SVIL: variants seen among roughly 807,000 people sequenced by gnomAD.
SVIL encodes the protein archvillin.
SVIL carries 101 observed loss-of-function variants against 240.4 expected under a neutral mutation model. The observed-to-expected ratio is 0.42, with a 90% CI of 0.36 to 0.50. SVIL has a LOEUF of 0.50. Ranked by LOEUF, SVIL falls within the 20% of genes least tolerant of loss-of-function variation. SVIL has a pLI of 0.01. For synonymous variants in SVIL, 999 were observed against 1,100.0 expected, an observed-to-expected ratio of 0.91 and a Z score of 1.82; for missense variants, 2,512 against 2,818.7, an observed-to-expected ratio of 0.89 and a Z score of 2.46.
intron 29 of SVIL, 86 bp downstream of exon 29, chr10:29,480,451 T>C: frequency 2.6e-6 from 4 of 1,542,246 alleles, no homozygotes; most frequent in Non-Finnish European, 3.5e-6. Context: ...GCAGAGGGCA[T>C]GACAGGGTTC....
intron 1 of SVIL, among the ~76,000 whole-genome samples, chr10:29,590,453 C>T (rs886397242): frequency 7.2e-5 from 11 of 152,112 alleles, no homozygotes; most frequent in African/African-American, 2.2e-4. Flanking sequence ...CGGTGCCAAC[C>T]GCATGGACAG....
At chr10:29,495,034 C>T (rs1236489687) in intron 19 of SVIL, 34 bp from the exon 20 acceptor site, 2 of 1,579,802 alleles carry the variant, frequency 1.3e-6, no homozygotes, top group Admixed American at 3.6e-5. Flanking sequence ...GAGACAGCAT[C>T]ACTAAGGCCT....
At chr10:29,639,588 C>T (rs1958421061), upstream of SVIL, among the ~76,000 whole-genome samples, 1 of 152,036 alleles carries the variant, frequency 6.6e-6, no homozygotes, top group South Asian at 2.1e-4. Context: ...CCTACCTCAG[C>T]CTCCCAAGTA....
rs140844469 is a variant in SVIL, at chr10:29,458,518, C to T, written c.6474G>A (p.Pro2158=). 1.9e-4 allele frequency: 298 copies of T among 1,600,788 alleles called. No individual in the cohort carries two copies. In the East Asian group the frequency reaches 5.5e-3, roughly 30 times the overall value. Residue 2158 remains proline (P), a synonymous_variant, in exon 37 of 38, where the codon CCG becomes CCA. Coordinates refer to ENST00000355867, the MANE Select transcript of SVIL (RefSeq NM_021738.3). The stretch of plus-strand genomic sequence containing the variant: ...GTGGCCTGGCCAGGAGGTCGGCCAG[C>T]GGGTAAATGGTTTTACAGAGCTTGG... ...VLAKLCKTIY[P]LADLLARPLP... is the part of the protein sequence containing the mutation.
intron 3 of SVIL, among the ~76,000 whole-genome samples, chr10:29,562,997 A>G (rs1425181016): frequency 6.6e-6 from 1 of 152,198 alleles, no homozygotes; most frequent in African/African-American, 2.4e-5. Context: ...TTAAAGGGCA[A>G]GAAGGAGTAG....
At position 29,557,363 on chromosome 10, in the gene SVIL, G is replaced by T. The variant is rs143315403; in HGVS notation, c.-50-2255C>A. On this transcript the variant is annotated intron_variant, in intron 3 of 37. Transcript: ENST00000355867. ...TCTGCTTGCCTTGGCCTCCCAAAGT[G>T]CTGGGATTGCAGGTGTGAGCCACCG... Among the ~76,000 whole-genome samples the T allele has an allele frequency of 8.6e-3, 1,302 of 152,270 alleles. 21 individuals are homozygous for T. The highest frequency in any genetic ancestry group is 0.029 in the African/African-American group (1,223 of 41,554).
intron 1 of SVIL, among the ~76,000 whole-genome samples, chr10:29,628,734 G>A (rs1240816817): frequency 6.6e-6 from 1 of 152,178 alleles, no homozygotes; most frequent in Non-Finnish European, 1.5e-5. Context: ...AAAGCCAAAT[G>A]AATGCATTCC....
At chr10:29,483,985 T>G (rs1279344984) in intron 27 of SVIL, 1 of 152,220 alleles carries the variant, frequency 6.6e-6, no homozygotes, top group South Asian at 2.1e-4. Context: ...AGCACTAGTT[T>G]TTTTTTGGTC....
intron 2 of SVIL, among the ~76,000 whole-genome samples, chr10:29,568,241 C>A (rs2132715082): frequency 6.6e-6 from 1 of 150,568 alleles, no homozygotes; most frequent in Admixed American, 6.7e-5. Context: ...AAAGCATAAA[C>A]ACTTAAAAGA....
At chr10:29,703,023 G>A (rs764584285) in intron 1 of SVIL, among the ~76,000 whole-genome samples, 8 of 152,050 alleles carry the variant, frequency 5.3e-5, no homozygotes, top group Non-Finnish European at 1.0e-4. Context: ...TGGATCTTAG[G>A]CTCTCGTCCA....
chr10:29,595,786 C>A (rs1956560405), intron 1 of SVIL, among the ~76,000 whole-genome samples: 1 of 152,080 alleles, frequency 6.6e-6, no homozygotes, highest in Non-Finnish European at 1.5e-5. Context: ...CTGCCATTGC[C>A]CTCTCCGTAG....
At chr10:29,554,240 G>A (rs1025183334) in intron 5 of SVIL, among the ~76,000 whole-genome samples, 1 of 151,990 alleles carries the variant, frequency 6.6e-6, no homozygotes, top group African/African-American at 2.4e-5. Flanking sequence ...GACCTTGGGA[G>A]GTTGAGGCTT....
intron 17 of SVIL, among the ~76,000 whole-genome samples, chr10:29,505,240 C>T (rs1246416406): frequency 2.6e-5 from 4 of 152,068 alleles, no homozygotes; most frequent in East Asian, 1.9e-4. Context: ...GCAGGAGAAT[C>T]GCTTGAACCC....
At chr10:29,554,490 T>TA (rs946101896) in intron 5 of SVIL, among the ~76,000 whole-genome samples, 14 of 148,124 alleles carry the variant, frequency 9.5e-5, no homozygotes, top group East Asian at 3.9e-4. Flanking sequence ...CAAAAATGTT[T>TA]AAAAAAAAAA....
chr10:29,521,039 C>T (rs192141880), intron 16 of SVIL, among the ~76,000 whole-genome samples: 10 of 151,470 alleles, frequency 6.6e-5, no homozygotes, highest in Admixed American at 2.0e-4. Flanking sequence ...CTAGCTAACA[C>T]GGTGAAGCCC....
chr10:29,551,106 T>C lies in SVIL; in HGVS notation c.318A>G (p.Ala106=), dbSNP rs145723456. The change falls in exon 6 of 38, where the codon GCA becomes GCG. Residue 106 remains alanine, a synonymous_variant. Transcript: ENST00000355867. ...HSLESKAERI[A]RYKAERRRQL... ...GTCGCCTTCTTTCTGCTTTGTACCTTGCAATTCTTTCGGCTTTGGACTCCA... is the reference window on the plus strand; with the variant it reads ...GTCGCCTTCTTTCTGCTTTGTACCTCGCAATTCTTTCGGCTTTGGACTCCA... 48 of 1,614,044 alleles carry C rather than the reference T, an allele frequency of 3.0e-5. No homozygotes were observed. Among genetic ancestry groups the C allele is most frequent in the Non-Finnish European group, 3.6e-5 (43 of 1,180,040 alleles).
At chr10:29,667,852 C>T (rs1959443434) in intron 2 of SVIL, among the ~76,000 whole-genome samples, 1 of 135,104 alleles carries the variant, frequency 7.4e-6, no homozygotes, top group South Asian at 2.4e-4. Flanking sequence ...AAGACCCTGT[C>T]TCTCAAAAAA....
At chr10:29,563,715 T>G (rs111892166) in intron 2 of SVIL, among the ~76,000 whole-genome samples, 1 of 49,066 alleles carries the variant, frequency 2.0e-5, no homozygotes, top group Admixed American at 2.1e-4. Flanking sequence ...GTGTTAAAAT[T>G]ATGTTAAAGT....
At chr10:29,708,909 G>A (rs921774978) in intron 1 of SVIL, among the ~76,000 whole-genome samples, 6 of 151,936 alleles carry the variant, frequency 3.9e-5, no homozygotes, top group Non-Finnish European at 5.9e-5. Context: ...AAAACCTGCC[G>A]AAAGAATTTT....
Sources: allele counts gnomAD v4.1 joint callset (sites outside exome capture counted in the v4.1 genomes callset), GRCh38; gene constraint gnomAD v4.1.1; transcripts MANE v1.5; gene names NCBI Gene and HGNC (gene_info 2026-07-23, HGNC 2026-07-21).